Variants in PPP1R9A observed in about 807,000 individuals in gnomAD.
The protein encoded by PPP1R9A is protein phosphatase 1 regulatory subunit 9A, also known as neurabin-1.
A neutral mutation model predicts 141.9 loss-of-function variants in PPP1R9A; 59 were observed. The ratio of observed to expected loss-of-function variants is 0.42; its 90% CI spans 0.34 to 0.52. The LOEUF (loss-of-function observed/expected upper bound fraction) is 0.52, where lower values mean the gene tolerates loss of function less well. Among genes scored for constraint, PPP1R9A ranks in the 20% least tolerant of loss-of-function variants. The probability of loss-of-function intolerance (pLI) is 0.10; values close to 1 mark genes in which losing one functional copy is unlikely to be tolerated. For synonymous variants in PPP1R9A, 500 were observed against 569.7 expected, an observed-to-expected ratio of 0.88 and a Z score of 1.74; for missense variants, 1,444 against 1,611.9, an observed-to-expected ratio of 0.90 and a Z score of 1.78.
intron 2 of PPP1R9A, among the ~76,000 whole-genome samples, chr7:94,999,805 ATT>A (rs1802653838): frequency 6.6e-6 from 1 of 150,790 alleles, no homozygotes; most frequent in Non-Finnish European, 1.5e-5. Flanking sequence ...TTATTTATTT[ATT>A]TATTTATTTA....
intron 3 of PPP1R9A, among the ~76,000 whole-genome samples, chr7:95,116,315 A>G (rs1584772082): frequency 6.6e-6 from 1 of 152,322 alleles, no homozygotes. Context: ...TTTTGCTGAT[A>G]TATTCATATC....
At chr7:94,917,610 G>C (rs954885697) in intron 2 of PPP1R9A, among the ~76,000 whole-genome samples, 2 of 149,422 alleles carry the variant, frequency 1.3e-5, no homozygotes, top group Non-Finnish European at 3.0e-5. Context: ...GTCTCACTAT[G>C]TTGTCTAGGC....
rs1585590832 is a variant in PPP1R9A, at chr7:95,275,322, T to G, written c.3296+1154T>G. Among the ~76,000 whole-genome samples, 4 of 151,074 alleles carry G rather than the reference T, an allele frequency of 2.6e-5. No individual in the cohort carries two copies. The South Asian group carries it at 8.4e-4, about 32-fold the overall frequency. On this transcript the variant is annotated intron_variant, in intron 16 of 19. Coordinates refer to ENST00000433360, the MANE Select transcript of PPP1R9A (RefSeq NM_001166160.2). ...ACTCGGGAGGCTGAGGCAGGAGAAT[T>G]GCTTGAACCCGGGAGGCGGAGGTTT...
rs1346665808 is a variant in PPP1R9A, at chr7:95,072,718, A to G, written c.1396-38541A>G. ...TGTAATATAATATATAATATATTAT[A>G]TGTATATTTATTACATATAATATAA... On this transcript the variant is annotated intron_variant, in intron 2 of 19. Coordinates refer to ENST00000433360, the MANE Select transcript of PPP1R9A (RefSeq NM_001166160.2). Among the ~76,000 whole-genome samples, 93 of 112,046 alleles carry G rather than the reference A, an allele frequency of 8.3e-4. 2 individuals carry two copies. Among genetic ancestry groups the G allele is most frequent in the Non-Finnish European group, 1.3e-3 (79 of 59,046 alleles). The allele number at this position is 112,046 out of a possible 152,430, so 73.5% of individuals were successfully genotyped here.
intron 4 of PPP1R9A, among the ~76,000 whole-genome samples, chr7:95,131,929 G>A (rs1403397121): frequency 6.6e-6 from 1 of 151,890 alleles, no homozygotes; most frequent in Non-Finnish European, 1.5e-5. Flanking sequence ...GTATTCCTAG[G>A]TATTTCATTT....
intron 2 of PPP1R9A, among the ~76,000 whole-genome samples, chr7:95,088,014 T>C (rs1296950945): frequency 6.6e-6 from 1 of 151,398 alleles, no homozygotes; most frequent in African/African-American, 2.4e-5. Flanking sequence ...AGAGAGAAGA[T>C]GGGAAATAAG....
At chr7:95,230,088 G>GCT (rs1795707712) in intron 8 of PPP1R9A, among the ~76,000 whole-genome samples, 1 of 152,130 alleles carries the variant, frequency 6.6e-6, no homozygotes. Context: ...TCAGCTCTCA[G>GCT]GAAACCCCAT....
At chr7:94,977,453 G>T (rs1799577461) in intron 2 of PPP1R9A, among the ~76,000 whole-genome samples, 1 of 152,150 alleles carries the variant, frequency 6.6e-6, no homozygotes, top group Admixed American at 6.5e-5. Flanking sequence ...AAATGTTGCT[G>T]ATGGTTCGAC....
At chr7:95,187,819 T>G (rs540083921) in intron 5 of PPP1R9A, among the ~76,000 whole-genome samples, 11 of 151,500 alleles carry the variant, frequency 7.3e-5, no homozygotes, top group African/African-American at 2.7e-4. Context: ...GTTTTGAGGG[T>G]TTTTTTTGAG....
chr7:95,167,435 A>G (rs948799003), intron 5 of PPP1R9A, among the ~76,000 whole-genome samples: 1 of 152,190 alleles, frequency 6.6e-6, no homozygotes, highest in Non-Finnish European at 1.5e-5. Context: ...ACTCACAGCT[A>G]ACATTGTATT....
chr7:95,002,942 C>T (rs1432079205), intron 2 of PPP1R9A, among the ~76,000 whole-genome samples: 1 of 152,102 alleles, frequency 6.6e-6, no homozygotes, highest in Non-Finnish European at 1.5e-5. Context: ...CAGTAGGACC[C>T]AGAGGATGTG....
chr7:95,140,251 A>G (rs1050279299), intron 4 of PPP1R9A, among the ~76,000 whole-genome samples: 16 of 152,204 alleles, frequency 1.1e-4, no homozygotes, highest in Non-Finnish European at 2.4e-4. Context: ...GTGATTATGG[A>G]CCTACTGTAT....
intron 5 of PPP1R9A, among the ~76,000 whole-genome samples, chr7:95,170,063 A>T (rs558632822): frequency 6.6e-6 from 1 of 151,940 alleles, no homozygotes; most frequent in Non-Finnish European, 1.5e-5. Context: ...GTTCTACTCC[A>T]ACTTCTAAAA....
At chr7:95,075,381 A>C (rs1814683323) in intron 2 of PPP1R9A, among the ~76,000 whole-genome samples, 1 of 152,174 alleles carries the variant, frequency 6.6e-6, no homozygotes, top group Admixed American at 6.5e-5. Flanking sequence ...TGCCCTCTTA[A>C]GTTCAGAGTC....
intron 4 of PPP1R9A, chr7:95,155,477 A>C (rs1380067031): frequency 6.6e-6 from 1 of 152,208 alleles, no homozygotes; most frequent in African/African-American, 2.4e-5. Flanking sequence ...GGCATGAGCC[A>C]CTGCACCAGG....
chr7:95,053,753 A>G lies in PPP1R9A; in HGVS notation c.1396-57506A>G, dbSNP rs536423640. Among the ~76,000 whole-genome samples, 3 of 152,270 alleles carry G rather than the reference A, an allele frequency of 2.0e-5. No homozygotes were observed. The South Asian group carries it at 6.2e-4, about 32-fold the overall frequency. On this transcript the variant is annotated intron_variant, in intron 2 of 19. Transcript: ENST00000433360. ...TGGTGGTCTGTAAAGTAGGCTTACAAGGATCTTCCCTCATTTAGGTTTCTA... is the reference window on the plus strand; with the variant it reads ...TGGTGGTCTGTAAAGTAGGCTTACAGGGATCTTCCCTCATTTAGGTTTCTA...
chr7:95,190,296 C>T (rs1387403215), intron 5 of PPP1R9A, among the ~76,000 whole-genome samples: 1 of 152,136 alleles, frequency 6.6e-6, no homozygotes, highest in African/African-American at 2.4e-5. Flanking sequence ...TATTGCTCCT[C>T]TGGGTTTAGA....
At chr7:95,041,342 C>G (rs1486902801) in intron 2 of PPP1R9A, among the ~76,000 whole-genome samples, 1 of 152,166 alleles carries the variant, frequency 6.6e-6, no homozygotes, top group Non-Finnish European at 1.5e-5. Context: ...CCTTTCCGCT[C>G]TGAATCTCAG....
intron 8 of PPP1R9A, among the ~76,000 whole-genome samples, chr7:95,245,128 A>G (rs76280936): frequency 0.015 from 2,267 of 152,346 alleles, 61 homozygotes; most frequent in African/African-American, 0.051. Flanking sequence ...CTTAGCACAT[A>G]GCCATGTATG....
Sources: gnomAD v4.1 joint callset for allele counts (sites outside exome capture counted in the v4.1 genomes callset) on GRCh38, gnomAD v4.1.1 for gene constraint, MANE v1.5 for transcripts, NCBI Gene and HGNC (gene_info 2026-07-23, HGNC 2026-07-21) for gene names.